CAD: variants seen among roughly 807,000 people sequenced by gnomAD.
CAD encodes carbamoyl-phosphate synthetase 2, aspartate transcarbamylase, and dihydroorotase.
In CAD, 81 loss-of-function variants were observed where a neutral mutation model predicts 237.2. The ratio of observed to expected loss-of-function variants is 0.34; its 90% CI spans 0.29 to 0.41. The LOEUF is 0.41. CAD is among the 10% of genes least tolerant of loss of function. The pLI is 1.00. For missense variants in CAD, 2,181 were observed against 2,951.7 expected, an observed-to-expected ratio of 0.74 and a Z score of 6.05; for synonymous variants, 1,196 against 1,162.8, an observed-to-expected ratio of 1.03 and a Z score of -0.58.
Position 27,241,876 on chromosome 2 carries a change from G to C in CAD, c.5884-35G>C. ...GCTGGGGTTTCCCCAGGGTGGACAC[G>C]CATACGTACACCTTCCATCTTGCTC... On this transcript the variant is annotated intron_variant, in intron 38 of 43. Coordinates refer to ENST00000264705, the MANE Select transcript of CAD (RefSeq NM_004341.5). This position sits in a 1 kb window ranked among gnomAD's most constrained non-coding sequence, Gnocchi z 4.6. The C allele has an allele frequency of 6.4e-7, 1 of 1,559,152 alleles. No homozygotes were observed. Among genetic ancestry groups the C allele is most frequent in the Non-Finnish European group, 8.8e-7 (1 of 1,132,744 alleles).
In CAD at chr2:27,231,680, T is replaced by C. The variant is rs17005962; in HGVS notation, c.2400+100T>C. ...TTACCAGTAACACTAGCAGCAGTCA[T>C]CATTGGACATTTGCTTTGTTTCCAC... On this transcript the variant is annotated intron_variant, in intron 16 of 43. Transcript: ENST00000264705. 4.3e-4 allele frequency: 325 copies of C among 749,622 alleles called. 1 individual carries two copies. In the East Asian group the frequency reaches 7.5e-3, roughly 17 times the overall value. The allele number at this position is 749,622 out of a possible 1,614,324, so 46.4% of individuals were successfully genotyped here. A position where few individuals can be genotyped will look rare whatever the true frequency, so the allele number is the denominator to read the frequency against.
At position 27,243,525 on chromosome 2, in the gene CAD, G is replaced by C. The variant is rs778671248; in HGVS notation, c.*7G>C. 12 of 1,577,182 alleles carry C rather than the reference G, an allele frequency of 7.6e-6. No individual in the cohort carries two copies. The highest frequency in any genetic ancestry group is 8.6e-6 in the Non-Finnish European group (10 of 1,161,066). On this transcript the variant is annotated 3_prime_UTR_variant, in exon 44 of 44. Coordinates refer to ENST00000264705, the MANE Select transcript of CAD (RefSeq NM_004341.5). Reference sequence around the variant, plus strand: ...CGTGCTGGGCCGTTTCTAGGGCCTGGCTTCCTCAGCCTCTTCTCTTTAGGC... The same window carrying C: ...CGTGCTGGGCCGTTTCTAGGGCCTGCCTTCCTCAGCCTCTTCTCTTTAGGC...
At position 27,231,511 on chromosome 2, in the gene CAD, G is replaced by A. The variant is rs758497702; in HGVS notation, c.2331G>A (p.Gln777=). ...GGCGTTCATTTGAGGAGGCCTTCCA[G>A]AAGGCCCTGCGCATGGTGGATGAGA... is the stretch of plus-strand genomic sequence containing the variant. ...GIGRSFEEAF[Q]KALRMVDENC... The change falls in exon 16 of 44, where the codon CAG becomes CAA. Residue 777 remains glutamine (Q), a synonymous_variant. Transcript: ENST00000264705. The A allele has an allele frequency of 6.2e-7, 1 of 1,613,816 alleles. No homozygotes were observed. The highest frequency in any genetic ancestry group is 8.5e-7 in the Non-Finnish European group (1 of 1,179,742).
rs755018062 is a variant in CAD, at chr2:27,242,983, G to A, written c.6480+10G>A. On this transcript the variant is annotated intron_variant, in intron 42 of 43. Coordinates refer to ENST00000264705, the MANE Select transcript of CAD (RefSeq NM_004341.5). This position sits in a 1 kb window ranked among gnomAD's most constrained non-coding sequence, Gnocchi z 6.4. ...CCAGGAGTACGAAGCTGTGAGTGCT[G>A]GGCTTGAGGAAGAAGCCAGGGCTGC... is the stretch of plus-strand genomic sequence containing the variant. 2 of 1,585,740 alleles carry A rather than the reference G, an allele frequency of 1.3e-6. No homozygotes were observed. Among genetic ancestry groups the A allele is most frequent in the South Asian group, 1.1e-5 (1 of 87,724 alleles).
Position 27,222,790 on chromosome 2 carries a change from T to A in CAD, c.638-76T>A. 3 of 1,579,388 alleles carry A rather than the reference T, an allele frequency of 1.9e-6. No homozygotes were observed. In the South Asian group the frequency reaches 3.4e-5, roughly 18 times the overall value. ...TAGACATTGGGACTTAACACTCTCA[T>A]GGGCTGGGGGGGCTGCAGGTGTGTC... On this transcript the variant is annotated intron_variant, in intron 5 of 43. Transcript: ENST00000264705.
rs1675970189 is a variant in CAD at position 27,235,767 on chromosome 2, A to G, written c.4074+127A>G. 4.1e-6 allele frequency: 3 copies of G among 733,796 alleles called. No individual in the cohort carries two copies. Among genetic ancestry groups the G allele is most frequent in the Admixed American group, 2.6e-5 (1 of 38,662 alleles). The allele number at this position is 733,796 out of a possible 1,614,324, so 45.5% of individuals were successfully genotyped here. ...GTAGTCCCAGATACTCAGGAGGCTA[A>G]GGCAGGAGAATCTCTTGAGCCCAGG... On this transcript the variant is annotated intron_variant, in intron 25 of 43. Transcript: ENST00000264705. This position sits in a 1 kb window ranked among gnomAD's most constrained non-coding sequence, Gnocchi z 5.2.
Position 27,233,400 on chromosome 2 carries a change from T to C in CAD, c.3080T>C (p.Leu1027Ser). The change falls in exon 20 of 44, where the codon TTG becomes TCG. Residue 1027 changes from leucine to serine, a missense_variant. This residue lies in a region of CAD where 306 missense variants were observed against 607.9 expected (regional missense o/e 0.50). Transcript: ENST00000264705. This position sits in a 1 kb window ranked among gnomAD's most constrained non-coding sequence, Gnocchi z 6.3. ...GQLPNNMAMALHRQQCRVLGT... is the reference protein window; with the variant it reads ...GQLPNNMAMASHRQQCRVLGT... Reference sequence around the variant, plus strand: ...CTGCCCAACAACATGGCCATGGCGTTGCATCGGCAGCAGTGCCGGGTGCTG... The same window carrying C: ...CTGCCCAACAACATGGCCATGGCGTCGCATCGGCAGCAGTGCCGGGTGCTG... The C allele has an allele frequency of 3.1e-6, 5 of 1,614,262 alleles. No individual in the cohort carries two copies. The highest frequency in any genetic ancestry group is 4.2e-6 in the Non-Finnish European group (5 of 1,180,032).
chr2:27,239,299 T>G lies in CAD; in HGVS notation c.5254-32T>G. 1 of 1,604,690 alleles carries G rather than the reference T, an allele frequency of 6.2e-7. No homozygotes were observed. Among genetic ancestry groups the G allele is most frequent in the Non-Finnish European group, 8.5e-7 (1 of 1,172,476 alleles). ...CCTAGGATATGTTCTCTGGGGATCC[T>G]TTCCCTAGCATAACCCATGTCCTCT... is the stretch of plus-strand genomic sequence containing the variant. On this transcript the variant is annotated intron_variant, in intron 32 of 43. Coordinates refer to ENST00000264705, the MANE Select transcript of CAD (RefSeq NM_004341.5). This position sits in a 1 kb window ranked among gnomAD's most constrained non-coding sequence, Gnocchi z 4.0.
chr2:27,232,899 A>G lies in CAD; in HGVS notation c.2893-143A>G, dbSNP rs574864649. 9.4e-5 allele frequency: 73 copies of G among 778,476 alleles called. No homozygotes were observed. Among genetic ancestry groups the G allele is most frequent in the Non-Finnish European group, 1.4e-4 (66 of 465,234 alleles). The allele number at this position is 778,476 out of a possible 1,614,324, so 48.2% of individuals were successfully genotyped here. A position where few individuals can be genotyped will look rare whatever the true frequency, so the allele number is the denominator to read the frequency against. ...AACACTTTGTACCTCCTTCCCTCCC[A>G]AGGCAGGGGTCCTGTACAGCTCTTT... On this transcript the variant is annotated intron_variant, in intron 18 of 43. Transcript: ENST00000264705. This position sits in a 1 kb window ranked among gnomAD's most constrained non-coding sequence, Gnocchi z 4.1.
chr2:27,236,384 T>C lies in CAD; in HGVS notation c.4175T>C (p.Val1392Ala). 6.2e-7 allele frequency: 1 copy of C among 1,614,200 alleles called. No individual in the cohort carries two copies. Among genetic ancestry groups the C allele is most frequent in the Non-Finnish European group, 8.5e-7 (1 of 1,180,034 alleles). The change falls in exon 26 of 44, where the codon GTG becomes GCG. Residue 1392 changes from valine to alanine, a missense_variant. Coordinates refer to ENST00000264705, the MANE Select transcript of CAD (RefSeq NM_004341.5). This position sits in a 1 kb window ranked among gnomAD's most constrained non-coding sequence, Gnocchi z 4.1. ...EQLAEKNFELVINLSMRGAGG... is the reference protein window; with the variant it reads ...EQLAEKNFELAINLSMRGAGG... ...CTAGCTGAGAAAAACTTTGAGCTGG[T>C]GATTAACCTGTCAATGCGTGGAGCT...
Position 27,217,725 on chromosome 2 carries a change from G to A in CAD, c.82+92G>A, listed in dbSNP as rs969554655. ...CCCGTCCAGACCCCGCCATTTTCCC[G>A]CCAGCGTACCCCCTTCCCCCATTCG... is the stretch of plus-strand genomic sequence containing the variant. On this transcript the variant is annotated intron_variant, in intron 1 of 43. Transcript: ENST00000264705. 5 of 1,427,724 alleles carry A rather than the reference G, an allele frequency of 3.5e-6. No homozygotes were observed. The African/African-American group carries it at 5.8e-5, about 17-fold the overall frequency. The allele number at this position is 1,427,724 out of a possible 1,614,324, so 88.4% of individuals were successfully genotyped here.
In CAD at chr2:27,241,172, T is replaced by C. The variant is rs1483096707; in HGVS notation, c.5753T>C (p.Leu1918Pro). ...GLLHPQTSPL[L>P]HSLVGQHILS... ...CTGCACCCCCAGACCTCACCCCTGC[T>C]GCACTCATTAGTGGGCCAACATATC... Residue 1918 changes from leucine to proline, a missense_variant, in exon 37 of 44, where the codon CTG becomes CCG. This residue lies in a region of CAD where 203 missense variants were observed against 284.5 expected (regional missense o/e 0.71). Coordinates refer to ENST00000264705, the MANE Select transcript of CAD (RefSeq NM_004341.5). This position sits in a 1 kb window ranked among gnomAD's most constrained non-coding sequence, Gnocchi z 4.6. The C allele has an allele frequency of 4.3e-6, 7 of 1,613,138 alleles. No homozygotes were observed. The highest frequency in any genetic ancestry group is 1.7e-5 in the Admixed American group (1 of 59,864).
At position 27,236,178 on chromosome 2, in the gene CAD, C is replaced by G; in HGVS notation, c.4075-106C>G. 1 of 1,473,800 alleles carries G rather than the reference C, an allele frequency of 6.8e-7. No homozygotes were observed. The highest frequency in any genetic ancestry group is 9.2e-7 in the Non-Finnish European group (1 of 1,091,344). 91.3% of individuals were successfully genotyped at this position (1,473,800 alleles called of 1,614,324 possible). A position where few individuals can be genotyped will look rare whatever the true frequency, so the allele number is the denominator to read the frequency against. On this transcript the variant is annotated intron_variant, in intron 25 of 43. Coordinates refer to ENST00000264705, the MANE Select transcript of CAD (RefSeq NM_004341.5). The surrounding 1 kb of genome is among the most constrained non-coding windows in gnomAD (Gnocchi z 4.1). The stretch of plus-strand genomic sequence containing the variant: ...GCCCTCAGTGCCCACCCTATGGGTC[C>G]TCAGTCTCCTCATCATGGGCTCCTG...
chr2:27,239,892 G>A lies in CAD; in HGVS notation c.5496+94G>A. On this transcript the variant is annotated intron_variant, in intron 34 of 43. Transcript: ENST00000264705. This position sits in a 1 kb window ranked among gnomAD's most constrained non-coding sequence, Gnocchi z 4.0. ...TTTCATTGGTGGTTCAGGAACAATT[G>A]GGGTTTTCTTGAGGGACTGAATTTG... 1 of 959,682 alleles carries A rather than the reference G, an allele frequency of 1.0e-6. No individual in the cohort carries two copies. Among genetic ancestry groups the A allele is most frequent in the Admixed American group, 3.0e-5 (1 of 32,794 alleles). 59.4% of individuals were successfully genotyped at this position (959,682 alleles called of 1,614,324 possible).
rs532828205 is a variant in CAD at position 27,224,718 on chromosome 2, G to T, written c.1255-27G>T. ...TTGCAATTTTGCTTCTTCAGCAGAG[G>T]CTGAGATGCCATTCTTGTCCTTTTA... On this transcript the variant is annotated intron_variant, in intron 9 of 43. Transcript: ENST00000264705. 249 of 1,614,148 alleles carry T rather than the reference G, an allele frequency of 1.5e-4. 3 individuals carry two copies. In the South Asian group the frequency reaches 2.6e-3, roughly 17 times the overall value.
intron 2 of CAD, 50 bp from the exon 3 acceptor site, chr2:27,221,168 C>T: frequency 6.8e-7 from 1 of 1,469,944 alleles, no homozygotes; most frequent in Non-Finnish European, 9.1e-7. Flanking sequence ...GAAAATGCTG[C>T]AAAGAAATAA....
Position 27,233,914 on chromosome 2 carries a change from G to A in CAD, c.3400-94G>A. The A allele has an allele frequency of 3.3e-6, 5 of 1,531,770 alleles. No individual in the cohort carries two copies. In the South Asian group the frequency reaches 5.7e-5, roughly 17 times the overall value. The allele number at this position is 1,531,770 out of a possible 1,614,324, so 94.9% of individuals were successfully genotyped here. A position where few individuals can be genotyped will look rare whatever the true frequency, so the allele number is the denominator to read the frequency against. Reference sequence around the variant, plus strand: ...CATAGGCACCAGGGCTGGGAACAGTGGGCTATGTGGGGCTCGTTAAAGGAA... The same window carrying A: ...CATAGGCACCAGGGCTGGGAACAGTAGGCTATGTGGGGCTCGTTAAAGGAA... On this transcript the variant is annotated intron_variant, in intron 21 of 43. Coordinates refer to ENST00000264705, the MANE Select transcript of CAD (RefSeq NM_004341.5). This position sits in a 1 kb window ranked among gnomAD's most constrained non-coding sequence, Gnocchi z 6.3.
intron 11 of CAD, 65 bp downstream of exon 11, chr2:27,225,308 T>TA: frequency 2.2e-6 from 2 of 905,908 alleles, no homozygotes; most frequent in South Asian, 3.6e-5. Context: ...ATTTTCTTTT[T>TA]TTTTTTTTTT....
In CAD at chr2:27,240,448, C is replaced by G; in HGVS notation, c.5593+87C>G. The G allele has an allele frequency of 6.8e-7, 1 of 1,478,534 alleles. No homozygotes were observed. The highest frequency in any genetic ancestry group is 1.7e-5 in the Admixed American group (1 of 59,144). The allele number at this position is 1,478,534 out of a possible 1,614,324, so 91.6% of individuals were successfully genotyped here. A position where few individuals can be genotyped will look rare whatever the true frequency, so the allele number is the denominator to read the frequency against. On this transcript the variant is annotated intron_variant, in intron 35 of 43. Coordinates refer to ENST00000264705, the MANE Select transcript of CAD (RefSeq NM_004341.5). This position sits in a 1 kb window ranked among gnomAD's most constrained non-coding sequence, Gnocchi z 4.6. ...GCCTCGCCTTTCTCTACTTACATGT[C>G]CTCCTCTCCATCCCTTTATCCTCGT...
Sources: allele counts gnomAD v4.1 joint callset, GRCh38; gene constraint gnomAD v4.1.1; regional missense constraint gnomAD v4.1.1; non-coding constraint Gnocchi (gnomAD v3.1); transcripts MANE v1.5; gene names NCBI Gene and HGNC (gene_info 2026-07-23, HGNC 2026-07-21).